CAMK1D: variants seen among roughly 807,000 people sequenced by gnomAD.
CAMK1D encodes the protein calcium/calmodulin dependent protein kinase ID, also known as calcium/calmodulin-dependent protein kinase type 1D.
In CAMK1D, 9 loss-of-function variants were observed where a neutral mutation model predicts 47.7. That is an observed-to-expected ratio of 0.19 (90% CI 0.11 to 0.33). The LOEUF (loss-of-function observed/expected upper bound fraction) is 0.33. Ranked by LOEUF, CAMK1D falls within the 10% of genes least tolerant of loss-of-function variation. The probability of loss-of-function intolerance (pLI) is 1.00; values close to 1 mark genes in which losing one functional copy is unlikely to be tolerated. For synonymous variants in CAMK1D, 184 were observed against 184.9 expected, an observed-to-expected ratio of 0.99 and a Z score of 0.04; for missense variants, 291 against 488.7, an observed-to-expected ratio of 0.60 and a Z score of 3.81.
At chr10:12,616,195 TG>T (rs1838809922) in intron 2 of CAMK1D, among the ~76,000 whole-genome samples, 1 of 152,156 alleles carries the variant, frequency 6.6e-6, no homozygotes, top group South Asian at 2.1e-4. Flanking sequence ...TGTGCACATG[TG>T]TGTTTAAAAT....
intron 1 of CAMK1D, among the ~76,000 whole-genome samples, chr10:12,497,105 T>C (rs991953585): frequency 6.6e-6 from 1 of 152,192 alleles, no homozygotes; most frequent in Admixed American, 6.5e-5. Flanking sequence ...TTCCATGGTG[T>C]ATATGTACCA....
chr10:12,515,833 G>A lies in CAMK1D; in HGVS notation c.93-37392G>A, dbSNP rs181373070. ...TCACCATGTTAGCCAGGATGGTCTC[G>A]CTCTCCTGACCTTGTGATCCCCCTG... On this transcript the variant is annotated intron_variant, in intron 1 of 10. Coordinates refer to ENST00000619168, the MANE Select transcript of CAMK1D (RefSeq NM_153498.4). 4.0e-3 allele frequency among the ~76,000 whole-genome samples: 605 copies of A among 151,892 alleles called. 2 individuals are homozygous for A. Among genetic ancestry groups the A allele is most frequent in the Middle Eastern group, 6.8e-3 (2 of 294 alleles).
chr10:12,712,093 T>C lies in CAMK1D; in HGVS notation c.299+45283T>C, dbSNP rs1588835698. 2.0e-5 allele frequency among the ~76,000 whole-genome samples: 3 copies of C among 152,222 alleles called. No individual in the cohort carries two copies. In the South Asian group the frequency reaches 6.2e-4, roughly 32 times the overall value. On this transcript the variant is annotated intron_variant, in intron 3 of 10. Transcript: ENST00000619168. ...TGAGGGGCAGAGTAGGTTTATTTGC[T>C]GATTTGTGCATTTTATCAGGTACAA...
At chr10:12,528,552 G>T (rs1039730168) in intron 1 of CAMK1D, among the ~76,000 whole-genome samples, 1 of 152,126 alleles carries the variant, frequency 6.6e-6, no homozygotes, top group Non-Finnish European at 1.5e-5. Context: ...TCAAATATTG[G>T]AATAGTAGAA....
intron 5 of CAMK1D, among the ~76,000 whole-genome samples, chr10:12,783,515 A>G (rs1405907108): frequency 6.6e-6 from 1 of 152,170 alleles, no homozygotes; most frequent in Non-Finnish European, 1.5e-5. Flanking sequence ...CTCTCAGCAG[A>G]AACTGCTTCT....
At chr10:12,813,037 GT>G (rs1285749551) in intron 6 of CAMK1D, among the ~76,000 whole-genome samples, 1 of 152,236 alleles carries the variant, frequency 6.6e-6, no homozygotes, top group African/African-American at 2.4e-5. Flanking sequence ...ATGAATTGTA[GT>G]GGGTCTAGTT....
intron 1 of CAMK1D, among the ~76,000 whole-genome samples, chr10:12,537,310 G>T (rs777308783): frequency 9.8e-5 from 15 of 152,316 alleles, no homozygotes; most frequent in South Asian, 2.1e-4. Flanking sequence ...GACCTCAAGT[G>T]ATCCGCCTGC....
Position 12,387,732 on chromosome 10 carries a change from C to T in CAMK1D, c.92+37822C>T, listed in dbSNP as rs371936368. On this transcript the variant is annotated intron_variant, in intron 1 of 10. Coordinates refer to ENST00000619168, the MANE Select transcript of CAMK1D (RefSeq NM_153498.4). The stretch of plus-strand genomic sequence containing the variant: ...CTCAAACTCCTGTGCTCAAGCGATC[C>T]GCCCACCCCAGCCTCCTAAAATGCT... Among the ~76,000 whole-genome samples, 125 of 151,592 alleles carry T rather than the reference C, an allele frequency of 8.2e-4. 1 individual carries two copies. The highest frequency in any genetic ancestry group is 2.7e-3 in the African/African-American group (110 of 41,352).
chr10:12,558,204 C>T (rs1300024753), intron 2 of CAMK1D, among the ~76,000 whole-genome samples: 2 of 152,196 alleles, frequency 1.3e-5, no homozygotes, highest in Non-Finnish European at 2.9e-5. Flanking sequence ...GGTTGGATTA[C>T]AGAGTTTATG....
At chr10:12,737,034 G>A (rs1298826670) in intron 3 of CAMK1D, among the ~76,000 whole-genome samples, 1 of 152,148 alleles carries the variant, frequency 6.6e-6, no homozygotes, top group African/African-American at 2.4e-5. Flanking sequence ...CAATCTCAAT[G>A]CATGCAGCTG....
chr10:12,748,171 A>G (rs545146199), intron 3 of CAMK1D, among the ~76,000 whole-genome samples: 1 of 152,306 alleles, frequency 6.6e-6, no homozygotes, highest in South Asian at 2.1e-4. Context: ...AGCTCATGGT[A>G]TTTAAACTCT....
At chr10:12,452,674 C>T (rs142182124) in intron 1 of CAMK1D, among the ~76,000 whole-genome samples, 2,576 of 152,038 alleles carry the variant, frequency 0.017, 76 homozygotes, top group African/African-American at 0.057. Flanking sequence ...CAACCTCCGC[C>T]TCCTGGGTTC....
At chr10:12,661,072 A>T (rs1840261006) in intron 2 of CAMK1D, among the ~76,000 whole-genome samples, 1 of 151,952 alleles carries the variant, frequency 6.6e-6, no homozygotes, top group African/African-American at 2.4e-5. Context: ...ACTTCTCCCT[A>T]TTCCTTCTGC....
At chr10:12,466,151 C>G (rs7894789) in intron 1 of CAMK1D, among the ~76,000 whole-genome samples, 41 of 151,732 alleles carry the variant, frequency 2.7e-4, no homozygotes, top group Middle Eastern at 6.9e-3. Flanking sequence ...GACACCGTCT[C>G]GAAAAAAAAT....
chr10:12,412,693 CAAA>C (rs571912414), intron 1 of CAMK1D, among the ~76,000 whole-genome samples: 3 of 45,146 alleles, frequency 6.6e-5, no homozygotes, highest in East Asian at 6.1e-4. Context: ...GAGACGCCAT[CAAA>C]AAAAAAAAAA....
intron 7 of CAMK1D, among the ~76,000 whole-genome samples, chr10:12,815,955 T>C (rs536933757): frequency 1.4e-4 from 22 of 152,296 alleles, no homozygotes; most frequent in Admixed American, 4.6e-4. Flanking sequence ...AACAAAGATA[T>C]TTCTTCTCTT....
At chr10:12,714,215 C>T (rs566772911) in intron 3 of CAMK1D, among the ~76,000 whole-genome samples, 31 of 152,158 alleles carry the variant, frequency 2.0e-4, no homozygotes, top group African/African-American at 7.5e-4. Context: ...CCCACCGTCA[C>T]CCCCCACCCC....
chr10:12,813,792 G>A (rs372823627), intron 6 of CAMK1D, among the ~76,000 whole-genome samples: 1 of 151,250 alleles, frequency 6.6e-6, no homozygotes, highest in Middle Eastern at 3.2e-3. Flanking sequence ...ACAGAGTCTC[G>A]CTCTGTCACC....
Position 12,349,924 on chromosome 10 carries a change from G to A in CAMK1D, c.92+14G>A. 1.3e-6 allele frequency: 2 copies of A among 1,496,230 alleles called. No homozygotes were observed. Among genetic ancestry groups the A allele is most frequent in the Admixed American group, 2.0e-5 (1 of 51,276 alleles). The allele number at this position is 1,496,230 out of a possible 1,614,324, so 92.7% of individuals were successfully genotyped here. A position where few individuals can be genotyped will look rare whatever the true frequency, so the allele number is the denominator to read the frequency against. On this transcript the variant is annotated intron_variant, in intron 1 of 10. Coordinates refer to ENST00000619168, the MANE Select transcript of CAMK1D (RefSeq NM_153498.4). ...GACCCTCGGAACGTAAGTGGGGACC[G>A]GGGAGGCGAGGGTGGAGGTGGCCGC...
Sources: gnomAD v4.1 joint callset for allele counts (sites outside exome capture counted in the v4.1 genomes callset) on GRCh38, gnomAD v4.1.1 for gene constraint, MANE v1.5 for transcripts, NCBI Gene and HGNC (gene_info 2026-07-23, HGNC 2026-07-21) for gene names.